LDB2: variants seen among roughly 807,000 people sequenced by gnomAD.
LDB2 encodes LIM domain-binding protein 2.
In LDB2, 12 loss-of-function variants were observed where a neutral mutation model predicts 44.3. That is an observed-to-expected ratio of 0.27 (90% confidence interval 0.17 to 0.44). The LOEUF (loss-of-function observed/expected upper bound fraction) is 0.44, where lower values mean the gene tolerates loss of function less well. Ranked by LOEUF, LDB2 falls within the 20% of genes least tolerant of loss-of-function variation. The pLI is 1.00. For synonymous variants in LDB2, 164 were observed against 174.8 expected, an observed-to-expected ratio of 0.94 and a Z score of 0.49; for missense variants, 344 against 473.5, an observed-to-expected ratio of 0.73 and a Z score of 2.54.
At chr4:16,836,144 T>G (rs1168388539) in intron 1 of LDB2, among the ~76,000 whole-genome samples, 1 of 152,228 alleles carries the variant, frequency 6.6e-6, no homozygotes, top group Non-Finnish European at 1.5e-5. Context: ...CCAAAGATAA[T>G]GACTGTATGT....
chr4:16,689,905 T>C (rs1348844950), intron 2 of LDB2, among the ~76,000 whole-genome samples: 1 of 152,200 alleles, frequency 6.6e-6, no homozygotes, highest in Admixed American at 6.5e-5. Flanking sequence ...CTTGAAGCCG[T>C]AAATGTGAAA....
intron 1 of LDB2, among the ~76,000 whole-genome samples, chr4:16,880,358 A>G (rs1230356728): frequency 3.3e-5 from 5 of 152,156 alleles, no homozygotes; most frequent in Non-Finnish European, 5.9e-5. Context: ...TGAAATCCAG[A>G]GCACTTTGCT....
intron 2 of LDB2, among the ~76,000 whole-genome samples, chr4:16,599,334 C>T (rs374314690): frequency 6.6e-6 from 1 of 152,112 alleles, no homozygotes; most frequent in African/African-American, 2.4e-5. Flanking sequence ...CTTCCTCCAT[C>T]TTCAAAACTC....
At chr4:16,597,611 C>T (rs1496747) in intron 2 of LDB2, among the ~76,000 whole-genome samples, 77,468 of 151,956 alleles carry the variant, frequency 0.51, 20,003 homozygotes, top group Middle Eastern at 0.68. Context: ...GGATTCATAC[C>T]GTTGAGAATA....
At chr4:16,787,468 G>A (rs913471956) in intron 1 of LDB2, among the ~76,000 whole-genome samples, 26 of 152,006 alleles carry the variant, frequency 1.7e-4, no homozygotes, top group African/African-American at 5.6e-4. Context: ...CAAAAAATTC[G>A]CCAGGCGTGG....
At chr4:16,638,034 A>G (rs1734075693) in intron 2 of LDB2, among the ~76,000 whole-genome samples, 1 of 152,210 alleles carries the variant, frequency 6.6e-6, no homozygotes, top group South Asian at 2.1e-4. Flanking sequence ...CTCACCTTGT[A>G]GAATTAAAGG....
chr4:16,580,368 C>T (rs1159835275), intron 5 of LDB2, among the ~76,000 whole-genome samples: 1 of 152,134 alleles, frequency 6.6e-6, no homozygotes, highest in African/African-American at 2.4e-5. Flanking sequence ...TTTAAGCCCC[C>T]TGCTGAGACT....
At chr4:16,588,676 G>T (rs1248396636) in intron 4 of LDB2, 34 bp downstream of exon 4, 4 of 1,605,426 alleles carry the variant, frequency 2.5e-6, no homozygotes, top group Non-Finnish European at 3.4e-6. Flanking sequence ...GGAAAAAAAA[G>T]AAAAGAAAGC....
chr4:16,705,935 T>C (rs1754507369), intron 2 of LDB2, among the ~76,000 whole-genome samples: 1 of 152,228 alleles, frequency 6.6e-6, no homozygotes, highest in Non-Finnish European at 1.5e-5. Context: ...GAGATTACCT[T>C]TCACTTTTCT....
At chr4:16,511,050 T>A (rs1421710455) in intron 6 of LDB2, among the ~76,000 whole-genome samples, 1 of 152,200 alleles carries the variant, frequency 6.6e-6, no homozygotes, top group East Asian at 1.9e-4. Flanking sequence ...GGGATGTAAC[T>A]ATTCTACATA....
At chr4:16,735,234 G>A (rs565268606) in intron 2 of LDB2, among the ~76,000 whole-genome samples, 2 of 152,210 alleles carry the variant, frequency 1.3e-5, no homozygotes, top group East Asian at 3.9e-4. Context: ...CCCCTGATAT[G>A]GTGGGAGACA....
At chr4:16,681,618 C>CTTTTTTTT (rs536589787) in intron 2 of LDB2, among the ~76,000 whole-genome samples, 11 of 61,700 alleles carry the variant, frequency 1.8e-4, no homozygotes, top group Admixed American at 7.8e-4. Context: ...GTATTCTATT[C>CTTTTTTTT]TTTTTTTTTT....
chr4:16,653,717 G>C (rs1738943645), intron 2 of LDB2: 1 of 152,230 alleles, frequency 6.6e-6, no homozygotes, highest in Non-Finnish European at 1.5e-5. Flanking sequence ...GTGGAAGTAA[G>C]AGTGCCTACC....
chr4:16,648,354 T>C (rs1233889485), intron 2 of LDB2, among the ~76,000 whole-genome samples: 1 of 152,232 alleles, frequency 6.6e-6, no homozygotes, highest in Non-Finnish European at 1.5e-5. Context: ...GAAAGTGTTT[T>C]CTAGCCACTT....
intron 2 of LDB2, among the ~76,000 whole-genome samples, chr4:16,642,295 T>C (rs948318650): frequency 6.6e-6 from 1 of 151,932 alleles, no homozygotes. Flanking sequence ...AAGAACTGTA[T>C]AGTAACTATG....
At chr4:16,805,205 C>A (rs986498572) in intron 1 of LDB2, among the ~76,000 whole-genome samples, 2 of 152,142 alleles carry the variant, frequency 1.3e-5, no homozygotes, top group South Asian at 4.1e-4. Flanking sequence ...CTCCCAGAGT[C>A]CCCAACTTCA....
chr4:16,803,326 T>C (rs1385097162), intron 1 of LDB2, among the ~76,000 whole-genome samples: 1 of 152,194 alleles, frequency 6.6e-6, no homozygotes, highest in African/African-American at 2.4e-5. Flanking sequence ...ACATTGCTGC[T>C]GTTAAGAAAT....
rs534880125 is a variant in LDB2 at position 16,776,090 on chromosome 4, C to T, written c.133-16830G>A. On this transcript the variant is annotated intron_variant, in intron 1 of 7. Transcript: ENST00000304523. ...GATCAGCAGAACTTTTCGCTTTCCC[C>T]CTTCCATCTCCCTGGGAGTCAGGAA... Among the ~76,000 whole-genome samples, 4 of 152,300 alleles carry T rather than the reference C, an allele frequency of 2.6e-5. No individual in the cohort carries two copies. The East Asian group carries it at 7.7e-4, about 29-fold the overall frequency.
chr4:16,554,846 C>G (rs1161746398), intron 5 of LDB2, among the ~76,000 whole-genome samples: 1 of 152,192 alleles, frequency 6.6e-6, no homozygotes, highest in Admixed American at 6.5e-5. Context: ...ATGATGGATT[C>G]ATGTCATTAT....
Sources: gnomAD v4.1 joint callset for allele counts (sites outside exome capture counted in the v4.1 genomes callset) on GRCh38, gnomAD v4.1.1 for gene constraint, MANE v1.5 for transcripts, NCBI Gene and HGNC (gene_info 2026-07-23, HGNC 2026-07-21) for gene names.